Variants in SLC25A13 observed in about 807,000 individuals in gnomAD.
SLC25A13 encodes the protein solute carrier family 25 member 13.
In SLC25A13, 70 loss-of-function variants were observed where a neutral mutation model predicts 85.5. The observed-to-expected ratio is 0.82, with a 90% CI of 0.68 to 1.00. SLC25A13 has a LOEUF of 1.00. Among genes scored for constraint, SLC25A13 ranks in the 50% least tolerant of loss-of-function variants. The pLI, the probability that SLC25A13 is intolerant of heterozygous loss-of-function variation, is 0.00. For synonymous variants in SLC25A13, 259 were observed against 288.7 expected (o/e 0.90, Z 1.04); for missense variants, 765 against 819.8 (o/e 0.93, Z 0.82).
chr7:96,221,083 G>T (rs1023846033), intron 4 of SLC25A13, among the ~76,000 whole-genome samples: 3 of 152,128 alleles, frequency 2.0e-5, no homozygotes, highest in Admixed American at 6.5e-5. Context: ...CCACCAACTG[G>T]AAGTGCTCTC....
At chr7:96,188,326 G>T (rs1794714669) in intron 9 of SLC25A13, among the ~76,000 whole-genome samples, 1 of 152,294 alleles carries the variant, frequency 6.6e-6, no homozygotes, top group South Asian at 2.1e-4. Flanking sequence ...CCACTACTTT[G>T]ACTTGCATGC....
intron 15 of SLC25A13, among the ~76,000 whole-genome samples, chr7:96,129,460 C>A (rs150049990): frequency 2.6e-5 from 4 of 151,858 alleles, no homozygotes; most frequent in Admixed American, 1.3e-4. Context: ...TAATCTATTT[C>A]TCTTAAAAAA....
rs1483137836 is a variant in SLC25A13 at position 96,296,883 on chromosome 7, T to C, written c.69+15A>G. 3 of 1,608,008 alleles carry C rather than the reference T, an allele frequency of 1.9e-6. No homozygotes were observed. Among genetic ancestry groups the C allele is most frequent in the Non-Finnish European group, 2.6e-6 (3 of 1,175,012 alleles). On this transcript the variant is annotated intron_variant, in intron 2 of 17. Transcript: ENST00000265631. ...CAAATCAAACAAGAAACAAAATAGA[T>C]TCCTTTATACTGACCTTCAAAAATA...
At chr7:96,255,581 G>A (rs1041998886) in intron 3 of SLC25A13, among the ~76,000 whole-genome samples, 24 of 152,128 alleles carry the variant, frequency 1.6e-4, no homozygotes, top group East Asian at 5.8e-4. Flanking sequence ...CAGCAACTCC[G>A]GAGGCTGAGG....
Position 96,241,199 on chromosome 7 carries a change from G to A in SLC25A13, c.213-6282C>T, listed in dbSNP as rs539333908. 1.7e-3 allele frequency among the ~76,000 whole-genome samples: 254 copies of A among 152,088 alleles called. 2 individuals are homozygous for A. Among genetic ancestry groups the A allele is most frequent in the Non-Finnish European group, 2.8e-3 (193 of 67,972 alleles). ...CAAAGATGTCTTTATGGCCACTCTG[G>A]GTAGCCTATGGGTTAGCCCTGCCCC... On this transcript the variant is annotated intron_variant, in intron 3 of 17. Transcript: ENST00000265631.
rs114322849 is a variant in SLC25A13 at position 96,247,778 on chromosome 7, T to C, written c.213-12861A>G. On this transcript the variant is annotated intron_variant, in intron 3 of 17. Coordinates refer to ENST00000265631, the MANE Select transcript of SLC25A13 (RefSeq NM_014251.3). ...ACAATGTGTTATTTTTATATACATATACATTGAAAAATGATTATCACAATC... is the reference window on the plus strand; with the variant it reads ...ACAATGTGTTATTTTTATATACATACACATTGAAAAATGATTATCACAATC... 4.1e-3 allele frequency among the ~76,000 whole-genome samples: 623 copies of C among 152,266 alleles called. 7 individuals carry two copies. The highest frequency in any genetic ancestry group is 0.014 in the African/African-American group (585 of 41,562).
At chr7:96,310,777 C>T (rs1399930833) in intron 1 of SLC25A13, among the ~76,000 whole-genome samples, 1 of 152,120 alleles carries the variant, frequency 6.6e-6, no homozygotes, top group Non-Finnish European at 1.5e-5. Context: ...ACTTTGGCTC[C>T]TTTTAGGGAG....
intron 4 of SLC25A13, among the ~76,000 whole-genome samples, chr7:96,227,398 T>C (rs572913470): frequency 1.4e-4 from 22 of 152,284 alleles, no homozygotes; most frequent in Non-Finnish European, 2.5e-4. Flanking sequence ...TTCAAGGCAA[T>C]AGCATGTGAA....
At position 96,211,446 on chromosome 7, in the gene SLC25A13, T is replaced by C. The variant is rs543627498; in HGVS notation, c.329-2469A>G. Among the ~76,000 whole-genome samples the C allele has an allele frequency of 5.3e-5, 8 of 152,316 alleles. No individual in the cohort carries two copies. The East Asian group carries it at 7.7e-4, about 15-fold the overall frequency. Reference sequence around the variant, plus strand: ...TCTATAAATCTTCTAGAGTATACTATACTAGATGTATATAAAAGATCTCTA... The same window carrying C: ...TCTATAAATCTTCTAGAGTATACTACACTAGATGTATATAAAAGATCTCTA... On this transcript the variant is annotated intron_variant, in intron 4 of 17. Coordinates refer to ENST00000265631, the MANE Select transcript of SLC25A13 (RefSeq NM_014251.3).
intron 4 of SLC25A13, among the ~76,000 whole-genome samples, chr7:96,226,632 C>T (rs1166498221): frequency 6.6e-6 from 1 of 150,972 alleles, no homozygotes; most frequent in Non-Finnish European, 1.5e-5. Context: ...ATGTTTGCCA[C>T]CCGTGATCTA....
intron 5 of SLC25A13, among the ~76,000 whole-genome samples, chr7:96,206,634 T>A (rs1461163637): frequency 6.6e-6 from 1 of 152,184 alleles, no homozygotes; most frequent in Non-Finnish European, 1.5e-5. Context: ...CATTGTAATC[T>A]AGTAAAAGTT....
Position 96,184,957 on chromosome 7 carries a change from A to T in SLC25A13, c.988T>A (p.Tyr330Asn). Residue 330 changes from tyrosine (Y) to asparagine (N), a missense_variant, in exon 10 of 18, where the codon TAC becomes AAC. Coordinates refer to ENST00000265631, the MANE Select transcript of SLC25A13 (RefSeq NM_014251.3). ...PVLLQVAESA[Y>N]RFGLGSVAGA... ...GCAACAGAACCCAGACCAAACCTGT[A>T]GGCCGACTCTGCAACTTGTAGAAGA... 6.2e-7 allele frequency: 1 copy of T among 1,614,240 alleles called. No individual in the cohort carries two copies. The highest frequency in any genetic ancestry group is 8.5e-7 in the Non-Finnish European group (1 of 1,180,032).
chr7:96,303,168 T>A (rs894087546), intron 1 of SLC25A13, among the ~76,000 whole-genome samples: 1 of 152,100 alleles, frequency 6.6e-6, no homozygotes, highest in Non-Finnish European at 1.5e-5. Context: ...CGTCACCAAC[T>A]GTACAGCACA....
At chr7:96,138,535 A>C (rs1225259983) in intron 14 of SLC25A13, among the ~76,000 whole-genome samples, 1 of 151,652 alleles carries the variant, frequency 6.6e-6, no homozygotes, top group South Asian at 2.1e-4. Flanking sequence ...AGCTGGGACT[A>C]CAGGTGCATG....
intron 2 of SLC25A13, among the ~76,000 whole-genome samples, chr7:96,280,946 T>A (rs1472226146): frequency 6.6e-6 from 1 of 152,152 alleles, no homozygotes; most frequent in East Asian, 1.9e-4. Flanking sequence ...AACAGAAGTG[T>A]GCATATACAC....
At chr7:96,320,385 T>C (rs1800295804) in intron 1 of SLC25A13, among the ~76,000 whole-genome samples, 1 of 152,206 alleles carries the variant, frequency 6.6e-6, no homozygotes, top group Non-Finnish European at 1.5e-5. Context: ...TCAATTACCT[T>C]ATCTCCTAAT....
chr7:96,189,172 G>T, intron 9 of SLC25A13, 122 bp downstream of exon 9: 2 of 817,024 alleles, frequency 2.4e-6, no homozygotes, highest in Non-Finnish European at 4.2e-6. Flanking sequence ...CGAGAGTTTT[G>T]GTGCAAAACA....
intron 4 of SLC25A13, among the ~76,000 whole-genome samples, chr7:96,214,609 C>A (rs1201906400): frequency 2.0e-5 from 3 of 151,996 alleles, no homozygotes; most frequent in African/African-American, 7.2e-5. Context: ...CACCTGTAAT[C>A]CCAGCTACTC....
intron 1 of SLC25A13, among the ~76,000 whole-genome samples, chr7:96,316,068 G>A (rs1363391395): frequency 6.6e-6 from 1 of 152,086 alleles, no homozygotes; most frequent in Non-Finnish European, 1.5e-5. Flanking sequence ...AGGCTAGAGT[G>A]AGCAATAATC....
Sources: allele counts gnomAD v4.1 joint callset (sites outside exome capture counted in the v4.1 genomes callset), GRCh38; gene constraint gnomAD v4.1.1; transcripts MANE v1.5; gene names NCBI Gene and HGNC (gene_info 2026-07-23, HGNC 2026-07-21).